The following SKA3 variants were observed in gnomAD, a reference collection of about 807,000 sequenced individuals.
SKA3 encodes spindle and kinetochore-associated protein 3.
Under a neutral mutation model 44.2 loss-of-function variants are expected in SKA3, and 39 were observed. The observed-to-expected ratio is 0.88, with a 90% confidence interval of 0.68 to 1.15. The LOEUF is 1.15. SKA3 is among the 50% of genes most tolerant of loss of function. The probability of loss-of-function intolerance (pLI) is 0.00; values close to 1 mark genes in which losing one functional copy is unlikely to be tolerated. For synonymous variants in SKA3, 192 were observed against 172.0 expected (o/e 1.12, Z -0.91); for missense variants, 511 against 485.8 (o/e 1.05, Z -0.49).
intron 4 of SKA3, 50 bp downstream of exon 4, chr13:21,167,938 A>C: frequency 8.1e-7 from 1 of 1,228,688 alleles, no homozygotes; most frequent in Non-Finnish European, 1.0e-6. Context: ...CAATAAATAC[A>C]AAAGGTTTAG....
intron 3 of SKA3, 162 bp downstream of exon 3, chr13:21,172,177 A>T: frequency 6.2e-6 from 3 of 486,096 alleles, no homozygotes; most frequent in Non-Finnish European, 7.2e-6. Flanking sequence ...AGCACTCCAA[A>T]AGCACACCAC....
intron 1 of SKA3, among the ~76,000 whole-genome samples, chr13:21,175,719 T>A (rs180876567): frequency 1.3e-5 from 2 of 152,326 alleles, no homozygotes. Flanking sequence ...TTCAACAATT[T>A]AAAAAATCTC....
Position 21,167,928 on chromosome 13 carries a change from CAATA to C in SKA3, c.743+56_743+59del, listed in dbSNP as rs995816697. The C allele has an allele frequency of 7.5e-5, 87 of 1,162,022 alleles. No individual in the cohort carries two copies. In the African/African-American group the frequency reaches 1.3e-3, roughly 17 times the overall value. 72.0% of individuals were successfully genotyped at this position (1,162,022 alleles called of 1,614,324 possible). ...ATTTTATTTCTTCTGGAAAAAAAAT[CAATA>C]AATACAAAAGGTTTAGAAAGCTAGA... On this transcript the variant is annotated intron_variant, in intron 4 of 8. Transcript: ENST00000314759.
chr13:21,170,124 T>TTA (rs1870955200), intron 3 of SKA3, among the ~76,000 whole-genome samples: 1 of 151,470 alleles, frequency 6.6e-6, no homozygotes, highest in African/African-American at 2.4e-5. Flanking sequence ...TTGAGAAAAA[T>TTA]AATAGGAGAG....
At chr13:21,164,090 C>T (rs759543843) in intron 4 of SKA3, among the ~76,000 whole-genome samples, 5 of 151,936 alleles carry the variant, frequency 3.3e-5, no homozygotes, top group Non-Finnish European at 5.9e-5. Flanking sequence ...CATGTCTTTG[C>T]TTGTTTTAAA....
rs1259738015 is a variant in SKA3, at chr13:21,176,459, AGCTCCGGATAGGGTCCATGCTGAGCACAG to A, written c.-11_18del. The stretch of plus-strand genomic sequence containing the variant: ...GCCAGAGACCGCAGCTTCCCGCAGA[AGCTCCGGATAGGGTCCATGCTGAGCACAG>A]CGGGGAAGGACTCCAGGCGTACGCA... On this transcript the variant is annotated start_lost and 5_prime_UTR_variant, in exon 1 of 9. Coordinates refer to ENST00000314759, the MANE Select transcript of SKA3 (RefSeq NM_145061.6). The A allele has an allele frequency of 6.4e-7, 1 of 1,573,014 alleles. No individual in the cohort carries two copies. The highest frequency in any genetic ancestry group is 8.6e-7 in the Non-Finnish European group (1 of 1,160,196).
chr13:21,176,493 G>A lies in SKA3; in HGVS notation c.-16C>T, dbSNP rs768771401. ...TAGGGTCCATGCTGAGCACAGCGGG[G>A]AAGGACTCCAGGCGTACGCAGACCC... On this transcript the variant is annotated 5_prime_UTR_variant, in exon 1 of 9. Coordinates refer to ENST00000314759, the MANE Select transcript of SKA3 (RefSeq NM_145061.6). 87 of 1,503,976 alleles carry A rather than the reference G, an allele frequency of 5.8e-5. No individual in the cohort carries two copies. In the South Asian group the frequency reaches 8.9e-4, roughly 15 times the overall value. The allele number at this position is 1,503,976 out of a possible 1,614,324, so 93.2% of individuals were successfully genotyped here.
chr13:21,161,735 T>C, intron 5 of SKA3, 55 bp downstream of exon 5: 4 of 1,304,472 alleles, frequency 3.1e-6, no homozygotes, highest in Non-Finnish European at 4.4e-6. Flanking sequence ...TCAATTTTGT[T>C]CAAAGATAGT....
intron 6 of SKA3, 89 bp from the exon 7 acceptor site, chr13:21,158,214 GTC>G (rs1870242615): frequency 4.3e-6 from 3 of 699,354 alleles, no homozygotes; most frequent in African/African-American, 3.6e-5. Flanking sequence ...TTCTATTGGG[GTC>G]TCTAATAGGC....
At position 21,159,988 on chromosome 13, in the gene SKA3, C is replaced by T. The variant is rs1249548080; in HGVS notation, c.830-1G>A. 7 of 1,593,836 alleles carry T rather than the reference C, an allele frequency of 4.4e-6. No individual in the cohort carries two copies. The East Asian group carries it at 1.6e-4, about 36-fold the overall frequency. On this transcript the variant is annotated splice_acceptor_variant, in intron 5 of 8. Coordinates refer to ENST00000314759, the MANE Select transcript of SKA3 (RefSeq NM_145061.6). LOFTEE classifies it high-confidence loss of function. The stretch of plus-strand genomic sequence containing the variant: ...AAAGGAGAGTTGGTATATTCGGCAT[C>T]TAAAAGACACATAAAATGGTCATTA...
At chr13:21,165,651 T>C (rs1188086006) in intron 4 of SKA3, among the ~76,000 whole-genome samples, 1 of 151,986 alleles carries the variant, frequency 6.6e-6, no homozygotes, top group Non-Finnish European at 1.5e-5. Context: ...AGAATGATGT[T>C]AGGCTGGGCG....
At chr13:21,168,528 T>C in intron 3 of SKA3, 129 bp from the exon 4 acceptor site, 1 of 846,308 alleles carries the variant, frequency 1.2e-6, no homozygotes. Context: ...AAACATTTTA[T>C]TTATTTAGTA....
At chr13:21,166,361 T>C (rs1870713776) in intron 4 of SKA3, among the ~76,000 whole-genome samples, 4 of 152,206 alleles carry the variant, frequency 2.6e-5, no homozygotes, top group South Asian at 4.1e-4. Flanking sequence ...TTTTGTATTA[T>C]TTTCTAAAAC....
intron 6 of SKA3, among the ~76,000 whole-genome samples, chr13:21,159,304 G>T (rs967660671): frequency 6.6e-6 from 1 of 152,036 alleles, no homozygotes; most frequent in African/African-American, 2.4e-5. Context: ...GTTTTGATTT[G>T]ATGAAATCTG....
In SKA3 at chr13:21,172,388, T is replaced by A; in HGVS notation, c.282A>T (p.Arg94Ser). 1 of 1,586,210 alleles carries A rather than the reference T, an allele frequency of 6.3e-7. No individual in the cohort carries two copies. The highest frequency in any genetic ancestry group is 8.5e-7 in the Non-Finnish European group (1 of 1,170,692). ...EKNSMDIMKI[R>S]EYFQKYGYSP... is the part of the protein sequence containing the mutation. ...TATATCCATACTTCTGGAAATACTC[T>A]CTTATTTTCATAATATCCATTGAAT... The change falls in exon 3 of 9, where the codon AGA (arginine) becomes AGT (serine). Residue 94 changes from arginine (R) to serine (S), a missense_variant. Arg to Ser is a moderately radical substitution (Grantham distance 110). Transcript: ENST00000314759.
intron 4 of SKA3, among the ~76,000 whole-genome samples, chr13:21,167,479 C>T (rs112367105): frequency 1.3e-5 from 2 of 152,020 alleles, no homozygotes; most frequent in Non-Finnish European, 2.9e-5. Flanking sequence ...CACTAAAGAA[C>T]TTATTGGCCG....
At chr13:21,173,581 T>G (rs1871211088) in intron 1 of SKA3, among the ~76,000 whole-genome samples, 1 of 151,200 alleles carries the variant, frequency 6.6e-6, no homozygotes, top group Non-Finnish European at 1.5e-5. Context: ...TCTAACGCCA[T>G]GAAGTAGTTT....
chr13:21,168,681 T>C (rs533270927), intron 3 of SKA3, among the ~76,000 whole-genome samples: 2 of 152,068 alleles, frequency 1.3e-5, no homozygotes, highest in Non-Finnish European at 2.9e-5. Context: ...TGTGCCACCA[T>C]GCTCAGCTAA....
intron 3 of SKA3, among the ~76,000 whole-genome samples, chr13:21,171,532 G>A (rs980747661): frequency 2.2e-4 from 33 of 150,794 alleles, no homozygotes; most frequent in African/African-American, 7.3e-4. Flanking sequence ...AGCCGAGATC[G>A]CGCCACTGCA....
Sources: allele counts gnomAD v4.1 joint callset (sites outside exome capture counted in the v4.1 genomes callset), GRCh38; gene constraint gnomAD v4.1.1; transcripts MANE v1.5; gene names NCBI Gene and HGNC (gene_info 2026-07-23, HGNC 2026-07-21).